The following SLC52A2 variants were observed in gnomAD, a reference collection of about 807,000 sequenced individuals.
SLC52A2 encodes the protein solute carrier family 52, riboflavin transporter, member 2.
A neutral mutation model predicts 24.8 loss-of-function variants in SLC52A2; 16 were observed. That is an observed-to-expected ratio of 0.64 (90% CI 0.44 to 0.98). The LOEUF is 0.98. Ranked by LOEUF, SLC52A2 falls within the 50% of genes least tolerant of loss-of-function variation. The probability of loss-of-function intolerance (pLI) is 0.00; values close to 1 mark genes in which losing one functional copy is unlikely to be tolerated. For missense variants in SLC52A2, 612 were observed against 575.9 expected (o/e 1.06, Z -0.64); for synonymous variants, 335 against 276.3 (o/e 1.21, Z -2.11).
chr8:144,358,648 T>C lies in SLC52A2; in HGVS notation c.-528T>C. ...GTGGCTGCTGCCGGGTCCTGCGCGC[T>C]CCGGACTGAGGTGGCGTCCCTGGGC... On this transcript the variant is annotated 5_prime_UTR_variant, in exon 1 of 5. Transcript: ENST00000643944. The C allele has an allele frequency of 3.6e-6, 2 of 563,234 alleles. No homozygotes were observed. The highest frequency in any genetic ancestry group is 2.6e-6 in the Non-Finnish European group (1 of 381,854). 34.9% of individuals were successfully genotyped at this position (563,234 alleles called of 1,614,324 possible).
At chr8:144,359,471 T>C in intron 2 of SLC52A2, 48 bp downstream of exon 2, 1 of 1,613,260 alleles carries the variant, frequency 6.2e-7, no homozygotes, top group Non-Finnish European at 8.5e-7. Flanking sequence ...TGGGCTGCGG[T>C]CAGTGGGATC....
rs1438900486 is a variant in SLC52A2, at chr8:144,361,206, G to A, written c.*191G>A. ...AGGCTTGGAGCCAGGGACCAGTGGGGGCTGTAGGGTAAGCCCCTGAGCCTG... is the reference window on the plus strand; with the variant it reads ...AGGCTTGGAGCCAGGGACCAGTGGGAGCTGTAGGGTAAGCCCCTGAGCCTG... On this transcript the variant is annotated 3_prime_UTR_variant, in exon 5 of 5. Coordinates refer to ENST00000643944, the MANE Select transcript of SLC52A2 (RefSeq NM_001363118.2). 1.6e-6 allele frequency: 1 copy of A among 609,552 alleles called. No homozygotes were observed. The highest frequency in any genetic ancestry group is 2.8e-5 in the East Asian group (1 of 36,020). 37.8% of individuals were successfully genotyped at this position (609,552 alleles called of 1,614,324 possible).
At position 144,359,860 on chromosome 8, in the gene SLC52A2, T is replaced by C. The variant is rs397514538; in HGVS notation, c.368T>C (p.Leu123Pro). Reference sequence around the variant, plus strand: ...TTAGCACTGGCCTTTGTGCTGGCACTGGCATGCTGTGCCTCGAATGTCACT... The same window carrying C: ...TTAGCACTGGCCTTTGTGCTGGCACCGGCATGCTGTGCCTCGAATGTCACT... Reference protein sequence around the residue: ...AFLALAFVLALACCASNVTFL... With the variant: ...AFLALAFVLAPACCASNVTFL... The change falls in exon 3 of 5, where the codon CTG becomes CCG. Residue 123 changes from leucine (L) to proline (P), a missense_variant. By Grantham distance (98) the Leu-to-Pro change is moderately conservative (BLOSUM62 -3). Coordinates refer to ENST00000643944, the MANE Select transcript of SLC52A2 (RefSeq NM_001363118.2). The C allele has an allele frequency of 5.6e-6, 9 of 1,613,616 alleles. No homozygotes were observed. The highest frequency in any genetic ancestry group is 5.9e-6 in the Non-Finnish European group (7 of 1,180,002).
intron 2 of SLC52A2, 52 bp from the exon 3 acceptor site, chr8:144,359,571 C>T (rs1564654299): frequency 1.9e-6 from 3 of 1,602,790 alleles, no homozygotes; most frequent in African/African-American, 1.3e-5. Context: ...CTTTGGCACT[C>T]TTCCTCCCTT....
chr8:144,360,837 C>G lies in SLC52A2; in HGVS notation c.1160C>G (p.Ser387Cys), dbSNP rs1213343967. 2.4e-5 allele frequency: 38 copies of G among 1,613,210 alleles called. No homozygotes were observed. The highest frequency in any genetic ancestry group is 3.1e-5 in the Non-Finnish European group (36 of 1,179,868). ...TGGGTGCTGTGTCTTGGCGTGTTCT[C>G]CTACGTGAAGGTGGCAGCCAGCTCC... ...LSWVLCLGVF[S>C]YVKVAASSLL... Residue 387 changes from serine (S) to cysteine (C), a missense_variant, in exon 5 of 5, where the codon TCC becomes TGC. Ser to Cys is a moderately radical substitution (Grantham distance 112, BLOSUM62 -1). Transcript: ENST00000643944.
In SLC52A2 at chr8:144,360,129, G is replaced by T; in HGVS notation, c.637G>T (p.Gly213Cys). The T allele has an allele frequency of 6.2e-7, 1 of 1,612,918 alleles. No homozygotes were observed. The highest frequency in any genetic ancestry group is 1.1e-5 in the South Asian group (1 of 91,082). The change falls in exon 3 of 5, where the codon GGT (glycine) becomes TGT (cysteine). Residue 213 changes from glycine (G) to cysteine (C), a missense_variant. Coordinates refer to ENST00000643944, the MANE Select transcript of SLC52A2 (RefSeq NM_001363118.2). ...GGTCGCTTCAGCTGCTGCCTTCCAG[G>T]GTCTTCTGCTGCTGTTGCCGCCACC... ...LLVASAAAFQ[G>C]LLLLLPPPPS...
chr8:144,361,107 C>T lies in SLC52A2; in HGVS notation c.*92C>T, dbSNP rs1287141199. ...GTGCCTGCAGCCCAGGAGGCCCGCA[C>T]ACCGGTACACTCGTGGACACCTACA... On this transcript the variant is annotated 3_prime_UTR_variant, in exon 5 of 5. Coordinates refer to ENST00000643944, the MANE Select transcript of SLC52A2 (RefSeq NM_001363118.2). The T allele has an allele frequency of 6.2e-6, 8 of 1,285,958 alleles. No homozygotes were observed. The highest frequency in any genetic ancestry group is 1.8e-5 in the Admixed American group (1 of 56,168). The allele number at this position is 1,285,958 out of a possible 1,614,324, so 79.7% of individuals were successfully genotyped here.
Position 144,359,282 on chromosome 8 carries a change from G to A in SLC52A2, c.-12G>A, listed in dbSNP as rs1818657773. 1.2e-6 allele frequency: 2 copies of A among 1,608,392 alleles called. No homozygotes were observed. Among genetic ancestry groups the A allele is most frequent in the Non-Finnish European group, 1.7e-6 (2 of 1,176,998 alleles). ...CTTTGCCCTGACCTGGAAGGGCCCA[G>A]CCTTGGGCTGAATGGCAGCACCCAC... is the stretch of plus-strand genomic sequence containing the variant. On this transcript the variant is annotated 5_prime_UTR_variant, in exon 2 of 5. Coordinates refer to ENST00000643944, the MANE Select transcript of SLC52A2 (RefSeq NM_001363118.2).
Position 144,360,938 on chromosome 8 carries a change from G to C in SLC52A2, c.1261G>C (p.Val421Leu), listed in dbSNP as rs1454899347. 6.2e-7 allele frequency: 1 copy of C among 1,613,506 alleles called. No individual in the cohort carries two copies. The highest frequency in any genetic ancestry group is 8.5e-7 in the Non-Finnish European group (1 of 1,179,994). The change falls in exon 5 of 5, where the codon GTT becomes CTT. Residue 421 changes from valine to leucine, a missense_variant. Transcript: ENST00000643944. Reference sequence around the variant, plus strand: ...CCAGGTGGGCTCTCTGCTCGGCGCTGTTGCTATGTTCCCCCCGACCAGCAT... The same window carrying C: ...CCAGGTGGGCTCTCTGCTCGGCGCTCTTGCTATGTTCCCCCCGACCAGCAT... Reference protein sequence around the residue: ...AIQVGSLLGAVAMFPPTSIYH... With the variant: ...AIQVGSLLGALAMFPPTSIYH...
Position 144,360,018 on chromosome 8 carries a change from C to G in SLC52A2, c.526C>G (p.Pro176Ala). Reference protein sequence around the residue: ...GVGRLECPPAPINGTPGPPLD... With the variant: ...GVGRLECPPAAINGTPGPPLD... ...GGGCCGCCTCGAGTGCCCGCCAGCCCCCATCAACGGCACCCCTGGCCCCCC... is the reference window on the plus strand; with the variant it reads ...GGGCCGCCTCGAGTGCCCGCCAGCCGCCATCAACGGCACCCCTGGCCCCCC... Residue 176 changes from proline (P) to alanine (A), a missense_variant, in exon 3 of 5, where the codon CCC (proline) becomes GCC (alanine). Physicochemically the swap from Pro to Ala is conservative, Grantham distance 27. Coordinates refer to ENST00000643944, the MANE Select transcript of SLC52A2 (RefSeq NM_001363118.2). 6.2e-7 allele frequency: 1 copy of G among 1,612,950 alleles called. No individual in the cohort carries two copies. Among genetic ancestry groups the G allele is most frequent in the South Asian group, 1.1e-5 (1 of 91,080 alleles).
In SLC52A2 at chr8:144,361,101, C is replaced by T. The variant is rs1818867496; in HGVS notation, c.*86C>T. ...GCCTGAGTGCCTGCAGCCCAGGAGG[C>T]CCGCACACCGGTACACTCGTGGACA... On this transcript the variant is annotated 3_prime_UTR_variant, in exon 5 of 5. Transcript: ENST00000643944. The T allele has an allele frequency of 7.4e-7, 1 of 1,355,052 alleles. No individual in the cohort carries two copies. The highest frequency in any genetic ancestry group is 1.0e-6 in the Non-Finnish European group (1 of 965,166). The allele number at this position is 1,355,052 out of a possible 1,614,324, so 83.9% of individuals were successfully genotyped here. A position where few individuals can be genotyped will look rare whatever the true frequency, so the allele number is the denominator to read the frequency against.
rs782458266 is a variant in SLC52A2, at chr8:144,359,319, C to G, written c.26C>G (p.Pro9Arg). The change falls in exon 2 of 5, where the codon CCG becomes CGG. Residue 9 changes from proline (P) to arginine (R), a missense_variant. Pro to Arg is a moderately radical substitution (Grantham distance 103). Coordinates refer to ENST00000643944, the MANE Select transcript of SLC52A2 (RefSeq NM_001363118.2). ...ATGGCAGCACCCACGCCCGCCCGTC[C>G]GGTGCTGACCCACCTGCTGGTGGCT... MAAPTPARPVLTHLLVALF... is the reference protein window; with the variant it reads MAAPTPARRVLTHLLVALF... The G allele has an allele frequency of 4.3e-5, 69 of 1,613,554 alleles. No individual in the cohort carries two copies. The highest frequency in any genetic ancestry group is 5.4e-5 in the Non-Finnish European group (64 of 1,179,904).
chr8:144,359,493 A>T (rs917037702), intron 2 of SLC52A2, 70 bp downstream of exon 2: 2 of 1,612,820 alleles, frequency 1.2e-6, no homozygotes, highest in Non-Finnish European at 1.7e-6. Context: ...GGGTGGAGCT[A>T]CCTGTGGTGG....
rs782412679 is a variant in SLC52A2 at position 144,360,011 on chromosome 8, G to A, written c.519G>A (p.Pro173=). The A allele has an allele frequency of 3.1e-6, 5 of 1,612,728 alleles. No homozygotes were observed. The South Asian group carries it at 3.3e-5, about 11-fold the overall frequency. ...AGGGTGTGGGCCGCCTCGAGTGCCC[G>A]CCAGCCCCCATCAACGGCACCCCTG... is the stretch of plus-strand genomic sequence containing the variant. The part of the protein sequence containing the change: ...LVQGVGRLEC[P]PAPINGTPGP... The change falls in exon 3 of 5, where the codon CCG becomes CCA. Residue 173 remains proline, a synonymous_variant. Coordinates refer to ENST00000643944, the MANE Select transcript of SLC52A2 (RefSeq NM_001363118.2).
Position 144,360,788 on chromosome 8 carries a change from C to T in SLC52A2, c.1126-15C>T, listed in dbSNP as rs1554854541. 13 of 1,610,862 alleles carry T rather than the reference C, an allele frequency of 8.1e-6. No individual in the cohort carries two copies. The highest frequency in any genetic ancestry group is 1.1e-5 in the Non-Finnish European group (13 of 1,178,010). ...AGGCACATCTCACGCTCAGCTGGTGCTGTGTCCCCCTCAGGTGCTGTCGTG... is the reference window on the plus strand; with the variant it reads ...AGGCACATCTCACGCTCAGCTGGTGTTGTGTCCCCCTCAGGTGCTGTCGTG... On this transcript the variant is annotated splice_polypyrimidine_tract_variant and intron_variant, in intron 4 of 4. Transcript: ENST00000643944.
Position 144,360,989 on chromosome 8 carries a change from G to A in SLC52A2, c.1312G>A (p.Asp438Asn). ...CTATCACGTGTTCCACAGCAGAAAG[G>A]ACTGTGCAGACCCCTGTGACTCCTG... The part of the protein sequence containing the change: ...SIYHVFHSRK[D>N]CADPCDS The change falls in exon 5 of 5, where the codon GAC becomes AAC. Residue 438 changes from aspartate (D) to asparagine (N), a missense_variant. By Grantham distance (23) the Asp-to-Asn change is conservative. Coordinates refer to ENST00000643944, the MANE Select transcript of SLC52A2 (RefSeq NM_001363118.2). 4 of 1,613,432 alleles carry A rather than the reference G, an allele frequency of 2.5e-6. No homozygotes were observed. The highest frequency in any genetic ancestry group is 3.4e-6 in the Non-Finnish European group (4 of 1,179,986).
rs377740960 is a variant in SLC52A2, at chr8:144,359,913, C to A, written c.421C>A (p.Pro141Thr). Residue 141 changes from proline to threonine, a missense_variant, in exon 3 of 5, where the codon CCT (proline) becomes ACT (threonine). Pro to Thr is a conservative substitution (Grantham distance 38). Coordinates refer to ENST00000643944, the MANE Select transcript of SLC52A2 (RefSeq NM_001363118.2). ...CCTGCCCTTCTTGAGCCACCTGCCACCTCGCTTCTTACGGTCATTCTTCCT... is the reference window on the plus strand; with the variant it reads ...CCTGCCCTTCTTGAGCCACCTGCCAACTCGCTTCTTACGGTCATTCTTCCT... Reference protein sequence around the residue: ...TFLPFLSHLPPRFLRSFFLGQ... With the variant: ...TFLPFLSHLPTRFLRSFFLGQ... 3.1e-6 allele frequency: 5 copies of A among 1,613,726 alleles called. No homozygotes were observed. Among genetic ancestry groups the A allele is most frequent in the Non-Finnish European group, 4.2e-6 (5 of 1,180,030 alleles).
rs1371839576 is a variant in SLC52A2, at chr8:144,361,223, C to A, written c.*208C>A. 3 of 581,320 alleles carry A rather than the reference C, an allele frequency of 5.2e-6. No individual in the cohort carries two copies. Among genetic ancestry groups the A allele is most frequent in the Non-Finnish European group, 9.2e-6 (3 of 327,828 alleles). The allele number at this position is 581,320 out of a possible 1,614,324, so 36.0% of individuals were successfully genotyped here. A position where few individuals can be genotyped will look rare whatever the true frequency, so the allele number is the denominator to read the frequency against. ...CCAGTGGGGGCTGTAGGGTAAGCCC[C>A]TGAGCCTGGGACCTACATGTGGTTT... On this transcript the variant is annotated 3_prime_UTR_variant, in exon 5 of 5. Transcript: ENST00000643944.
At position 144,359,760 on chromosome 8, in the gene SLC52A2, G is replaced by A. The variant is rs782793823; in HGVS notation, c.268G>A (p.Val90Met). 1 of 1,613,664 alleles carries A rather than the reference G, an allele frequency of 6.2e-7. No homozygotes were observed. Among genetic ancestry groups the A allele is most frequent in the Non-Finnish European group, 8.5e-7 (1 of 1,180,028 alleles). ...CCGGGTGGTGCAGGTGCTGGGCATGGTGGGCACAGCCCTGCTGGCCTCTCT... is the reference window on the plus strand; with the variant it reads ...CCGGGTGGTGCAGGTGCTGGGCATGATGGGCACAGCCCTGCTGGCCTCTCT... ...PIRVVQVLGM[V>M]GTALLASLWH... The change falls in exon 3 of 5, where the codon GTG (valine) becomes ATG (methionine). Residue 90 changes from valine (V) to methionine (M), a missense_variant. Transcript: ENST00000643944.
Sources: gnomAD v4.1 joint callset for allele counts on GRCh38, gnomAD v4.1.1 for gene constraint, MANE v1.5 for transcripts, NCBI Gene and HGNC (gene_info 2026-07-23, HGNC 2026-07-21) for gene names.